Variants in BTBD10 observed in about 807,000 individuals in gnomAD.
The protein encoded by BTBD10 is BTB domain containing 10, also known as BTB/POZ domain-containing protein 10.
Under a neutral mutation model 53.2 loss-of-function variants are expected in BTBD10, and 21 were observed. That is an observed-to-expected ratio of 0.39 (90% CI 0.28 to 0.57). BTBD10 has a LOEUF of 0.57. Ranked by LOEUF, BTBD10 falls within the 20% of genes least tolerant of loss-of-function variation. The pLI is 0.53. For missense variants in BTBD10, 360 were observed against 594.7 expected (o/e 0.61, Z 4.10); for synonymous variants, 149 against 192.7 (o/e 0.77, Z 1.88).
At chr11:13,452,394 T>C (rs1353392210) in intron 1 of BTBD10, among the ~76,000 whole-genome samples, 1 of 152,204 alleles carries the variant, frequency 6.6e-6, no homozygotes, top group Non-Finnish European at 1.5e-5. Context: ...TAAACACCTG[T>C]ATGCTTTTAT....
At chr11:13,459,944 A>G (rs964861348) in intron 1 of BTBD10, among the ~76,000 whole-genome samples, 3 of 152,250 alleles carry the variant, frequency 2.0e-5, no homozygotes, top group Admixed American at 1.3e-4. Flanking sequence ...AGAAACAAGT[A>G]AAGACGAAAA....
chr11:13,435,071 G>A (rs192159682), intron 2 of BTBD10, among the ~76,000 whole-genome samples: 2 of 152,292 alleles, frequency 1.3e-5, no homozygotes, highest in Non-Finnish European at 2.9e-5. Context: ...TATACTTATG[G>A]ATACATAAGT....
chr11:13,434,045 C>A (rs902692834), intron 2 of BTBD10, among the ~76,000 whole-genome samples: 1 of 152,064 alleles, frequency 6.6e-6, no homozygotes. Context: ...AGTCTGTTGT[C>A]GGATATATTT....
intron 1 of BTBD10, among the ~76,000 whole-genome samples, chr11:13,459,360 C>CTGAT (rs1179358462): frequency 6.6e-6 from 1 of 151,578 alleles, no homozygotes; most frequent in African/African-American, 2.4e-5. Context: ...GCCTGGCTGG[C>CTGAT]TGATTGCTAC....
Position 13,430,500 on chromosome 11 carries a change from A to G in BTBD10, c.102-8662T>C, listed in dbSNP as rs547243869. Among the ~76,000 whole-genome samples the G allele has an allele frequency of 4.5e-4, 68 of 152,344 alleles. No individual in the cohort carries two copies. In the Middle Eastern group the frequency reaches 0.027, roughly 61 times the overall value. On this transcript the variant is annotated intron_variant, in intron 2 of 8. Transcript: ENST00000278174. The stretch of plus-strand genomic sequence containing the variant: ...TTAAGAAATTAAACATACTCTAGCC[A>G]TATGATTCAGCCATTCCATTATGTA...
intron 1 of BTBD10, among the ~76,000 whole-genome samples, chr11:13,453,997 A>G (rs923211653): frequency 6.6e-5 from 10 of 152,174 alleles, no homozygotes; most frequent in African/African-American, 2.4e-4. Flanking sequence ...GGTTGCAGTG[A>G]GCCAAGATCG....
chr11:13,424,478 GA>G (rs1249983404), intron 2 of BTBD10, among the ~76,000 whole-genome samples: 1 of 152,160 alleles, frequency 6.6e-6, no homozygotes, highest in Non-Finnish European at 1.5e-5. Flanking sequence ...AGATGTCATG[GA>G]AGACAAATTA....
rs1044431 is a variant in BTBD10 at position 13,388,296 on chromosome 11, C to T, written c.*535G>A. The T allele has an allele frequency of 0.16, 24,310 of 153,976 alleles. 2,108 individuals carry two copies. The highest frequency in any genetic ancestry group is 0.24 in the Admixed American group (3,757 of 15,598). The allele number at this position is 153,976 out of a possible 1,614,324, so 9.5% of individuals were successfully genotyped here. A position where few individuals can be genotyped will look rare whatever the true frequency, so the allele number is the denominator to read the frequency against. On this transcript the variant is annotated 3_prime_UTR_variant, in exon 9 of 9. Coordinates refer to ENST00000278174, the MANE Select transcript of BTBD10 (RefSeq NM_032320.7). ...GGCATTAAATCTCATCCTGATCATT[C>T]AGATAAGCCCAAGATAAATACTTTT...
chr11:13,449,595 A>C (rs1397923280), intron 1 of BTBD10, among the ~76,000 whole-genome samples: 1 of 152,194 alleles, frequency 6.6e-6, no homozygotes, highest in African/African-American at 2.4e-5. Flanking sequence ...TCTTACTCTT[A>C]GTCCATTTTC....
intron 1 of BTBD10, among the ~76,000 whole-genome samples, chr11:13,450,261 A>C (rs764166021): frequency 6.6e-6 from 1 of 152,188 alleles, no homozygotes; most frequent in South Asian, 2.1e-4. Flanking sequence ...AAATGTCCTA[A>C]GATGACATTC....
intron 8 of BTBD10, among the ~76,000 whole-genome samples, chr11:13,390,996 C>T (rs1949393553): frequency 6.6e-6 from 1 of 152,186 alleles, no homozygotes; most frequent in South Asian, 2.1e-4. Context: ...CTTGATTCCT[C>T]CTGGACTATT....
chr11:13,427,735 A>G (rs574364872), intron 2 of BTBD10, among the ~76,000 whole-genome samples: 1 of 152,228 alleles, frequency 6.6e-6, no homozygotes, highest in Non-Finnish European at 1.5e-5. Flanking sequence ...CAATAAAACA[A>G]GTATCAATAA....
chr11:13,406,360 T>A (rs1429516399), intron 6 of BTBD10, among the ~76,000 whole-genome samples: 1 of 152,170 alleles, frequency 6.6e-6, no homozygotes, highest in Admixed American at 6.5e-5. Flanking sequence ...TTCAACCTCC[T>A]TAAGCACAGA....
intron 2 of BTBD10, among the ~76,000 whole-genome samples, chr11:13,443,002 A>C (rs190932529): frequency 3.9e-5 from 6 of 152,314 alleles, no homozygotes; most frequent in African/African-American, 1.4e-4. Flanking sequence ...GCATTAAAAA[A>C]AAATCAATTC....
At chr11:13,427,118 G>A (rs1950354033) in intron 2 of BTBD10, among the ~76,000 whole-genome samples, 1 of 152,176 alleles carries the variant, frequency 6.6e-6, no homozygotes, top group Non-Finnish European at 1.5e-5. Flanking sequence ...TCAGGAGGCT[G>A]AGGTGGGAGG....
intron 4 of BTBD10, among the ~76,000 whole-genome samples, chr11:13,419,016 A>T (rs918649190): frequency 1.1e-4 from 16 of 145,964 alleles, no homozygotes; most frequent in African/African-American, 4.0e-4. Context: ...CGAACTGACA[A>T]TTCATGCTGA....
chr11:13,433,002 G>A (rs1049339505), intron 2 of BTBD10, among the ~76,000 whole-genome samples: 9 of 151,964 alleles, frequency 5.9e-5, no homozygotes, highest in African/African-American at 1.7e-4. Flanking sequence ...ACACAAAACT[G>A]TAATATAAAA....
chr11:13,448,149 T>C (rs1384296290), intron 1 of BTBD10, among the ~76,000 whole-genome samples: 1 of 152,182 alleles, frequency 6.6e-6, no homozygotes, highest in Non-Finnish European at 1.5e-5. Flanking sequence ...TGCAAGGTGC[T>C]GAAGTAAGTT....
At chr11:13,439,833 A>T in intron 2 of BTBD10, 1 of 1,388,812 alleles carries the variant, frequency 7.2e-7, no homozygotes, top group Non-Finnish European at 9.6e-7. Flanking sequence ...TCAAATTCAT[A>T]TATGTAAATA....
Sources: allele counts gnomAD v4.1 joint callset (sites outside exome capture counted in the v4.1 genomes callset), GRCh38; gene constraint gnomAD v4.1.1; transcripts MANE v1.5; gene names NCBI Gene and HGNC (gene_info 2026-07-23, HGNC 2026-07-21).